Variants in LRP1 observed in about 807,000 individuals in gnomAD.
LRP1 encodes LDL receptor related protein 1.
LRP1 carries 51 observed loss-of-function variants against 541.5 expected under a neutral mutation model. That is an observed-to-expected ratio of 0.09 (90% confidence interval 0.08 to 0.12). The LOEUF is 0.12. Among genes scored for constraint, LRP1 ranks in the 10% least tolerant of loss-of-function variants. The pLI is 1.00. For synonymous variants in LRP1, 2,219 were observed against 2,470.8 expected, an observed-to-expected ratio of 0.90 and a Z score of 3.02; for missense variants, 3,878 against 6,376.2, an observed-to-expected ratio of 0.61 and a Z score of 13.34.
rs942042898 is a variant in LRP1 at position 57,156,264 on chromosome 12, C to T, written c.1398C>T (p.His466=). ...VDKGGALHIY[H]QRRQPRVRSH... is the part of the protein sequence containing the mutation. ...AGGGTGGTGCCCTCCACATCTACCA[C>T]CAGAGGCGTCAGCCCCGAGGTGAGC... Residue 466 remains histidine (H), a synonymous_variant, in exon 9 of 89, where the codon CAC becomes CAT. Transcript: ENST00000243077. The surrounding 1 kb of genome is among the most constrained non-coding windows in gnomAD (Gnocchi z 5.2). The T allele has an allele frequency of 6.2e-7, 1 of 1,614,018 alleles. No homozygotes were observed. The highest frequency in any genetic ancestry group is 2.2e-5 in the East Asian group (1 of 44,878).
rs1800159 is a variant in LRP1 at position 57,200,111 on chromosome 12, A to G, written c.10014+86A>G. The G allele has an allele frequency of 0.68, 811,222 of 1,200,058 alleles. 276,327 individuals carry two copies. Among genetic ancestry groups the G allele is most frequent in the South Asian group, 0.82 (57,039 of 69,724 alleles). 74.3% of individuals were successfully genotyped at this position (1,200,058 alleles called of 1,614,324 possible). A position where few individuals can be genotyped will look rare whatever the true frequency, so the allele number is the denominator to read the frequency against. On this transcript the variant is annotated intron_variant, in intron 62 of 88. Transcript: ENST00000243077. ...GGACCCCAACACCTGCTCTGTCCTA[A>G]TGTCCTCATGCATCTGGTTTTCCCA...
At position 57,209,812 on chromosome 12, in the gene LRP1, G is replaced by A; in HGVS notation, c.12383G>A (p.Gly4128Glu). ...CACAGCCCCTTGGTCAACCTGACAG[G>A]GGGCCTGAGCCACGCCTCTGACGTG... ...FGHSPLVNLT[G>E]GLSHASDVVL... The change falls in exon 80 of 89, where the codon GGG becomes GAG. Residue 4128 changes from glycine (G) to glutamate (E), a missense_variant. Gly to Glu is a moderately conservative substitution (Grantham distance 98). Transcript: ENST00000243077. The A allele has an allele frequency of 6.2e-7, 1 of 1,614,228 alleles. No homozygotes were observed. Among genetic ancestry groups the A allele is most frequent in the Non-Finnish European group, 8.5e-7 (1 of 1,180,036 alleles).
In LRP1 at chr12:57,141,480, G is replaced by A. The variant is rs2035289970; in HGVS notation, c.297G>A (p.Met99Ile). The change falls in exon 3 of 89, where the codon ATG becomes ATA. Residue 99 changes from methionine (M) to isoleucine (I), a missense_variant. Around this residue, in one of 13 missense-constraint regions of LRP1, gnomAD observed 293 missense variants for 403.7 expected, o/e 0.73. Coordinates refer to ENST00000243077, the MANE Select transcript of LRP1 (RefSeq NM_002332.3). ...TCTGCAATGGGGTCCAGGACTGCAT[G>A]GACGGCTCAGATGAGGGGCCCCACT... ...SRLCNGVQDC[M>I]DGSDEGPHCR... 23 of 1,614,188 alleles carry A rather than the reference G, an allele frequency of 1.4e-5. No individual in the cohort carries two copies. The highest frequency in any genetic ancestry group is 1.9e-5 in the Non-Finnish European group (22 of 1,180,034).
chr12:57,151,419 C>T (rs2035523481), intron 6 of LRP1, among the ~76,000 whole-genome samples: 1 of 152,232 alleles, frequency 6.6e-6, no homozygotes, highest in African/African-American at 2.4e-5. Context: ...CCCTAGACCA[C>T]CCCCAACTCC....
chr12:57,200,420 C>CA, intron 62 of LRP1, 22 bp from the exon 63 acceptor site: 30 of 1,366,484 alleles, frequency 2.2e-5, no homozygotes, highest in Non-Finnish European at 3.0e-5. Flanking sequence ...ACCAACCCCT[C>CA]TTGCCCCCAC....
chr12:57,151,021 G>T (rs897996216), intron 6 of LRP1, among the ~76,000 whole-genome samples: 1 of 152,086 alleles, frequency 6.6e-6, no homozygotes, highest in Non-Finnish European at 1.5e-5. Flanking sequence ...TGGGTGTGTA[G>T]ATGTGTTGGG....
intron 11 of LRP1, 73 bp from the exon 12 acceptor site, chr12:57,159,752 C>T (rs976589357): frequency 5.3e-6 from 8 of 1,511,702 alleles, no homozygotes; most frequent in South Asian, 3.5e-5. Context: ...TACCTGAGTC[C>T]GGGAGGGCCA....
chr12:57,190,559 C>T (rs934421963), intron 42 of LRP1, among the ~76,000 whole-genome samples: 8 of 152,252 alleles, frequency 5.3e-5, no homozygotes, highest in Non-Finnish European at 8.8e-5. Flanking sequence ...GGTCACTGCC[C>T]AGATACTGCA....
intron 61 of LRP1, 92 bp downstream of exon 61, chr12:57,199,492 A>G: frequency 7.2e-7 from 1 of 1,385,578 alleles, no homozygotes. Flanking sequence ...GCATTGACCA[A>G]GCCCTCCTGG....
In LRP1 at chr12:57,173,697, G is replaced by A; in HGVS notation, c.3347-83G>A. The A allele has an allele frequency of 6.9e-7, 1 of 1,459,334 alleles. No homozygotes were observed. Among genetic ancestry groups the A allele is most frequent in the Non-Finnish European group, 9.6e-7 (1 of 1,042,954 alleles). The allele number at this position is 1,459,334 out of a possible 1,614,324, so 90.4% of individuals were successfully genotyped here. A position where few individuals can be genotyped will look rare whatever the true frequency, so the allele number is the denominator to read the frequency against. On this transcript the variant is annotated intron_variant, in intron 21 of 88. Transcript: ENST00000243077. The surrounding 1 kb of genome is among the most constrained non-coding windows in gnomAD (Gnocchi z 4.7). The stretch of plus-strand genomic sequence containing the variant: ...CAGCGTTGCAATCCTGACCCTATTA[G>A]AGAAGCCCACAGGGTCTGGAAGGAA...
chr12:57,212,139 C>G lies in LRP1; in HGVS notation c.13372C>G (p.Arg4458Gly). The G allele has an allele frequency of 1.2e-6, 2 of 1,613,986 alleles. No homozygotes were observed. Among genetic ancestry groups the G allele is most frequent in the Non-Finnish European group, 1.7e-6 (2 of 1,179,978 alleles). Residue 4458 changes from arginine to glycine, a missense_variant, in exon 88 of 89, where the codon CGG (arginine) becomes GGG (glycine). Physicochemically the swap from Arg to Gly is moderately radical, Grantham distance 125 (BLOSUM62 -2). This residue lies in a region of LRP1 where 871 missense variants were observed against 1,212.4 expected (regional missense o/e 0.72). Coordinates refer to ENST00000243077, the MANE Select transcript of LRP1 (RefSeq NM_002332.3). This position sits in a 1 kb window ranked among gnomAD's most constrained non-coding sequence, Gnocchi z 5.0. ...CAGGGCTAAGGGCTTCCAGCACCAA[C>G]GGATGACCAACGGGGCCATGAACGT... Reference protein sequence around the residue: ...VQGAKGFQHQRMTNGAMNVEI... With the variant: ...VQGAKGFQHQGMTNGAMNVEI...
chr12:57,185,983 C>G lies in LRP1; in HGVS notation c.6841+75C>G. ...GCAGCACAGACTCTTAGACCCCAGC[C>G]AGGCACTCTACCCTAGGTCTGAATC... On this transcript the variant is annotated intron_variant, in intron 41 of 88. Coordinates refer to ENST00000243077, the MANE Select transcript of LRP1 (RefSeq NM_002332.3). This position sits in a 1 kb window ranked among gnomAD's most constrained non-coding sequence, Gnocchi z 4.9. 6.7e-7 allele frequency: 1 copy of G among 1,489,504 alleles called. No individual in the cohort carries two copies. Among genetic ancestry groups the G allele is most frequent in the Non-Finnish European group, 9.0e-7 (1 of 1,110,124 alleles). 92.3% of individuals were successfully genotyped at this position (1,489,504 alleles called of 1,614,324 possible).
chr12:57,210,900 C>T (rs759652318), intron 83 of LRP1, 21 bp downstream of exon 83: 139 of 1,600,740 alleles, frequency 8.7e-5, no homozygotes, highest in Non-Finnish European at 1.2e-4. Context: ...CATCCCTGGG[C>T]CCCAGGGCAT....
intron 12 of LRP1, 95 bp downstream of exon 12, chr12:57,160,100 G>T: frequency 3.1e-6 from 4 of 1,274,616 alleles, no homozygotes; most frequent in Non-Finnish European, 4.4e-6. Flanking sequence ...GGGGAAGGCA[G>T]GTGAGGCGGG....
intron 15 of LRP1, among the ~76,000 whole-genome samples, chr12:57,164,107 G>T (rs1052595406): frequency 2.0e-5 from 3 of 152,184 alleles, no homozygotes; most frequent in African/African-American, 4.8e-5. Context: ...GGAAGCGGAG[G>T]TTGCAGTGAG....
At position 57,197,540 on chromosome 12, in the gene LRP1, TC is replaced by T; in HGVS notation, c.9163-3del. 1 of 1,613,804 alleles carries T rather than the reference TC, an allele frequency of 6.2e-7. No homozygotes were observed. The highest frequency in any genetic ancestry group is 8.5e-7 in the Non-Finnish European group (1 of 1,179,968). ...CTTCTGCTGTCCTTCACTCCCCAAA[TC>T]CAGGGCCTGAACAACGCCGTTGCCT... On this transcript the variant is annotated splice_region_variant and splice_polypyrimidine_tract_variant and intron_variant, in intron 57 of 88. Coordinates refer to ENST00000243077, the MANE Select transcript of LRP1 (RefSeq NM_002332.3). The surrounding 1 kb of genome is among the most constrained non-coding windows in gnomAD (Gnocchi z 4.5).
chr12:57,203,566 C>T (rs1240951546), intron 70 of LRP1, 45 bp downstream of exon 70: 1 of 1,460,672 alleles, frequency 6.8e-7, no homozygotes, highest in Non-Finnish European at 9.1e-7. Context: ...CTCTGCTGCC[C>T]ACCCCGCCAC....
chr12:57,203,720 A>AT (rs2036707967), intron 70 of LRP1, 199 bp downstream of exon 70: 5 of 677,572 alleles, frequency 7.4e-6, no homozygotes, highest in Admixed American at 3.7e-5. Flanking sequence ...CTGAATACAC[A>AT]TTTTTGTGCG....
intron 19 of LRP1, among the ~76,000 whole-genome samples, chr12:57,167,813 C>T (rs541983199): frequency 6.6e-6 from 1 of 152,338 alleles, no homozygotes; most frequent in Admixed American, 6.5e-5. Context: ...GTGAGATGGG[C>T]CAGAGAGGCA....
Sources: gnomAD v4.1 joint callset for allele counts (sites outside exome capture counted in the v4.1 genomes callset) on GRCh38, gnomAD v4.1.1 for gene constraint, gnomAD v4.1.1 regional missense constraint, Gnocchi (gnomAD v3.1) non-coding constraint, MANE v1.5 for transcripts, NCBI Gene and HGNC (gene_info 2026-07-23, HGNC 2026-07-21) for gene names.